Variants in DOCK9 observed in about 807,000 individuals in gnomAD.
DOCK9 encodes the protein dedicator of cytokinesis protein 9.
A neutral mutation model predicts 263.3 loss-of-function variants in DOCK9; 89 were observed. The observed-to-expected ratio is 0.34, with a 90% CI of 0.28 to 0.40. The LOEUF (loss-of-function observed/expected upper bound fraction) is 0.40. DOCK9 is among the 10% of genes least tolerant of loss of function. DOCK9 has a pLI of 1.00. For missense variants in DOCK9, 2,140 were observed against 2,603.4 expected (o/e 0.82, Z 3.87); for synonymous variants, 976 against 973.1 (o/e 1.00, Z -0.06).
At chr13:98,826,045 G>A in intron 44 of DOCK9, 2 of 902,684 alleles carry the variant, frequency 2.2e-6, no homozygotes, top group Non-Finnish European at 3.1e-6. Context: ...TTGGGGCTCT[G>A]CTGTTTCATT....
chr13:99,066,174 T>G (rs575833677), intron 1 of DOCK9, among the ~76,000 whole-genome samples: 2 of 152,354 alleles, frequency 1.3e-5, no homozygotes, highest in Non-Finnish European at 2.9e-5. Context: ...AGCATGTTTC[T>G]TGGCACTCAA....
intron 1 of DOCK9, among the ~76,000 whole-genome samples, chr13:98,957,038 A>T (rs2058137206): frequency 6.6e-6 from 1 of 152,058 alleles, no homozygotes; most frequent in Non-Finnish European, 1.5e-5. Context: ...TCTTCTAACC[A>T]ATTTTATTCG....
At chr13:99,073,268 C>T (rs1041661127) in intron 1 of DOCK9, among the ~76,000 whole-genome samples, 1 of 152,104 alleles carries the variant, frequency 6.6e-6, no homozygotes, top group African/African-American at 2.4e-5. Flanking sequence ...TCCCTACAGG[C>T]TCAGAGAGTC....
chr13:98,814,491 C>T (rs1349148933), intron 45 of DOCK9, among the ~76,000 whole-genome samples: 2 of 151,624 alleles, frequency 1.3e-5, no homozygotes, highest in Non-Finnish European at 2.9e-5. Flanking sequence ...CTGCAACCTC[C>T]ACCTCCCGGA....
intron 13 of DOCK9, among the ~76,000 whole-genome samples, chr13:98,900,660 G>A (rs187009916): frequency 1.3e-5 from 2 of 152,252 alleles, no homozygotes; most frequent in East Asian, 3.9e-4. Context: ...TCCTAACACT[G>A]TCCCTATGAG....
intron 5 of DOCK9, among the ~76,000 whole-genome samples, chr13:98,922,777 A>T (rs997578089): frequency 6.6e-6 from 1 of 152,248 alleles, no homozygotes; most frequent in African/African-American, 2.4e-5. Flanking sequence ...AGAAATGCAG[A>T]GATGGGCATT....
chr13:99,076,602 C>T (rs1218437552), intron 1 of DOCK9, among the ~76,000 whole-genome samples: 1 of 152,088 alleles, frequency 6.6e-6, no homozygotes, highest in African/African-American at 2.4e-5. Context: ...AGAGCCTGTG[C>T]ATTAGGAAAA....
At chr13:98,906,997 T>C (rs1042970535) in intron 9 of DOCK9, among the ~76,000 whole-genome samples, 14 of 152,230 alleles carry the variant, frequency 9.2e-5, no homozygotes, top group Non-Finnish European at 2.9e-5. Flanking sequence ...GTTCCTGCAA[T>C]CTTCTGTTTA....
intron 1 of DOCK9, among the ~76,000 whole-genome samples, chr13:99,047,541 C>T (rs556475154): frequency 3.2e-5 from 4 of 123,658 alleles, no homozygotes; most frequent in Admixed American, 9.2e-5. Flanking sequence ...TTTTTTGAGA[C>T]GGAGTCTCGC....
chr13:98,815,625 G>A (rs1194428129), intron 45 of DOCK9, among the ~76,000 whole-genome samples: 3 of 152,006 alleles, frequency 2.0e-5, no homozygotes, highest in African/African-American at 7.3e-5. Context: ...GGGACAACAG[G>A]GGCCTGCCAC....
chr13:99,055,608 T>G (rs1024939897), intron 1 of DOCK9, among the ~76,000 whole-genome samples: 7 of 152,182 alleles, frequency 4.6e-5, no homozygotes, highest in African/African-American at 1.7e-4. Context: ...ATTGGGATTT[T>G]AATGGAAAAC....
At chr13:98,919,543 G>A (rs980160209) in intron 7 of DOCK9, among the ~76,000 whole-genome samples, 2 of 152,166 alleles carry the variant, frequency 1.3e-5, no homozygotes, top group African/African-American at 2.4e-5. Flanking sequence ...TTACAGAATC[G>A]AGCTACAGGC....
chr13:98,999,316 A>ACACACACACACT lies in DOCK9; in HGVS notation c.130-43766_130-43765insAGTGTGTGTGTG. Among the ~76,000 whole-genome samples, 13 of 138,370 alleles carry ACACACACACACT rather than the reference A, an allele frequency of 9.4e-5. No homozygotes were observed. The South Asian group carries it at 1.1e-3, about 11-fold the overall frequency. 90.8% of individuals were successfully genotyped at this position (138,370 alleles called of 152,430 possible). On this transcript the variant is annotated intron_variant, in intron 1 of 32. Transcript: ENST00000427887. ...CACACACACACACACACACACACAC[A>ACACACACACACT]CTCTCTCTCTCTCTCTCTCTGGAAG...
At chr13:98,821,714 A>T (rs2092285688) in intron 45 of DOCK9, among the ~76,000 whole-genome samples, 1 of 152,218 alleles carries the variant, frequency 6.6e-6, no homozygotes, top group Non-Finnish European at 1.5e-5. Context: ...GCTGGAAAGG[A>T]GTCTGCTCTT....
At chr13:98,795,409 C>T (rs1384395979) in intron 52 of DOCK9, among the ~76,000 whole-genome samples, 2 of 151,846 alleles carry the variant, frequency 1.3e-5, no homozygotes, top group African/African-American at 4.8e-5. Context: ...GCAGAGGCTC[C>T]CCTGGAAACA....
intron 2 of DOCK9, among the ~76,000 whole-genome samples, chr13:98,943,750 T>TA (rs572933989): frequency 4.6e-5 from 7 of 151,924 alleles, no homozygotes; most frequent in South Asian, 4.2e-4. Flanking sequence ...GTTTACAATT[T>TA]AAAAAAAAAT....
chr13:98,933,560 T>A (rs188806067), intron 2 of DOCK9, among the ~76,000 whole-genome samples: 104 of 152,336 alleles, frequency 6.8e-4, no homozygotes, highest in Admixed American at 7.8e-4. Flanking sequence ...TAACAAAGAA[T>A]AGTTTTCTGA....
rs1200681202 is a variant in DOCK9 at position 98,800,440 on chromosome 13, C to G, written c.5764G>C (p.Val1922Leu). 6.2e-7 allele frequency: 1 copy of G among 1,614,028 alleles called. No individual in the cohort carries two copies. The highest frequency in any genetic ancestry group is 8.5e-7 in the Non-Finnish European group (1 of 1,179,892). Reference protein sequence around the residue: ...CFPYVKKRIPVMYQHHTDLNP... With the variant: ...CFPYVKKRIPLMYQHHTDLNP... The stretch of plus-strand genomic sequence containing the variant: ...AGGTCAGTGTGGTGCTGGTACATGA[C>G]AGGGATGCGCTTCTTCACATAAGGG... The change falls in exon 50 of 53, where the codon GTC (valine) becomes CTC (leucine). Residue 1922 changes from valine to leucine, a missense_variant. Val to Leu is a conservative substitution (Grantham distance 32, BLOSUM62 1). This residue lies in a region of DOCK9 where 619 missense variants were observed against 861.8 expected (regional missense o/e 0.72). Coordinates refer to ENST00000682017, the MANE Select transcript of DOCK9 (RefSeq NM_001366683.2).
Position 98,903,106 on chromosome 13 carries a change from C to A in DOCK9, c.1042G>T (p.Asp348Tyr). The A allele has an allele frequency of 6.7e-7, 1 of 1,502,486 alleles. No individual in the cohort carries two copies. The highest frequency in any genetic ancestry group is 2.7e-5 in the Admixed American group (1 of 37,056). 93.1% of individuals were successfully genotyped at this position (1,502,486 alleles called of 1,614,324 possible). The part of the protein sequence containing the change: ...FYLDPDAQKL[D>Y]FSSAEPEVKS... ...ACTTCTGGCTCAGCTGATGAGAAGT[C>A]AAGCTTCTTTAAAAGAAAATGTAAA... Residue 348 changes from aspartate to tyrosine, a missense_variant, in exon 11 of 53, where the codon GAC (aspartate) becomes TAC (tyrosine). Physicochemically the swap from Asp to Tyr is radical, Grantham distance 160 (BLOSUM62 -3). Transcript: ENST00000682017.
Sources: allele counts gnomAD v4.1 joint callset (sites outside exome capture counted in the v4.1 genomes callset), GRCh38; gene constraint gnomAD v4.1.1; regional missense constraint gnomAD v4.1.1; transcripts MANE v1.5; gene names NCBI Gene and HGNC (gene_info 2026-07-23, HGNC 2026-07-21).